The following EBF1 variants were observed in gnomAD, a reference collection of about 807,000 sequenced individuals.
EBF1 encodes EBF transcription factor 1.
EBF1 carries 10 observed loss-of-function variants against 68.4 expected under a neutral mutation model. The ratio of observed to expected loss-of-function variants is 0.15; its 90% confidence interval spans 0.09 to 0.25. The LOEUF (loss-of-function observed/expected upper bound fraction) is 0.25, where lower values mean the gene tolerates loss of function less well. EBF1 is among the 10% of genes least tolerant of loss of function. The pLI, the probability that EBF1 is intolerant of heterozygous loss-of-function variation, is 1.00. For missense variants in EBF1, 509 were observed against 794.4 expected (o/e 0.64, Z 4.32); for synonymous variants, 298 against 299.8 (o/e 0.99, Z 0.06).
intron 6 of EBF1, among the ~76,000 whole-genome samples, chr5:158,896,284 A>G (rs1483184966): frequency 6.6e-6 from 1 of 152,194 alleles, no homozygotes; most frequent in Non-Finnish European, 1.5e-5. Context: ...ATTGATGGGA[A>G]GTTGAGTTTT....
chr5:158,843,488 C>T (rs1008226451), intron 6 of EBF1, among the ~76,000 whole-genome samples: 2 of 152,208 alleles, frequency 1.3e-5, no homozygotes, highest in African/African-American at 4.8e-5. Context: ...ATCCCTGTTA[C>T]CCTAAGCTGG....
chr5:158,875,109 G>T (rs561669093), intron 6 of EBF1, among the ~76,000 whole-genome samples: 7 of 150,794 alleles, frequency 4.6e-5, no homozygotes, highest in African/African-American at 1.7e-4. Context: ...TGGCCAAATT[G>T]TATTTCCAAG....
intron 6 of EBF1, among the ~76,000 whole-genome samples, chr5:158,849,098 G>A (rs1792111374): frequency 6.6e-6 from 1 of 152,160 alleles, no homozygotes; most frequent in South Asian, 2.1e-4. Context: ...TAAAAAAGAA[G>A]ACAACTCTTT....
At chr5:158,957,921 T>C (rs1441883725) in intron 6 of EBF1, among the ~76,000 whole-genome samples, 1 of 152,144 alleles carries the variant, frequency 6.6e-6, no homozygotes, top group Non-Finnish European at 1.5e-5. Context: ...TCACTCTCTT[T>C]TTGTGGGAAT....
At chr5:158,948,217 C>A (rs1815238470) in intron 6 of EBF1, among the ~76,000 whole-genome samples, 1 of 152,052 alleles carries the variant, frequency 6.6e-6, no homozygotes, top group Admixed American at 6.6e-5. Context: ...GGGGGGAGAT[C>A]TGGGTTCTTC....
At position 158,832,273 on chromosome 5, in the gene EBF1, A is replaced by G. The variant is rs575691761; in HGVS notation, c.636+7756T>C. 1.3e-3 allele frequency among the ~76,000 whole-genome samples: 191 copies of G among 152,348 alleles called. 3 individuals are homozygous for G. In the South Asian group the frequency reaches 0.013, roughly 10 times the overall value. ...ACCACTCATCAAATGCTGTTCATAA[A>G]GATTCCTTCTCAGTGATGCACACTT... On this transcript the variant is annotated intron_variant, in intron 7 of 15. Coordinates refer to ENST00000313708, the MANE Select transcript of EBF1 (RefSeq NM_024007.5).
chr5:158,931,468 T>C (rs950699147), intron 6 of EBF1, among the ~76,000 whole-genome samples: 4 of 152,246 alleles, frequency 2.6e-5, no homozygotes, highest in Non-Finnish European at 5.9e-5. Flanking sequence ...TGGAGTTTTT[T>C]AGAACACTCT....
At chr5:158,919,583 T>A (rs1243208375) in intron 6 of EBF1, among the ~76,000 whole-genome samples, 1 of 152,202 alleles carries the variant, frequency 6.6e-6, no homozygotes, top group Non-Finnish European at 1.5e-5. Context: ...CGGTGCTCAT[T>A]TTTTTGAATA....
chr5:158,873,485 A>G (rs1374297026), intron 6 of EBF1, among the ~76,000 whole-genome samples: 1 of 152,208 alleles, frequency 6.6e-6, no homozygotes, highest in Non-Finnish European at 1.5e-5. Context: ...TTAATATTTT[A>G]TGTATACTGA....
chr5:158,761,726 A>G (rs548449944), intron 10 of EBF1, among the ~76,000 whole-genome samples: 1 of 152,362 alleles, frequency 6.6e-6, no homozygotes, highest in African/African-American at 2.4e-5. Flanking sequence ...AAATCCATTA[A>G]GTCTAATTAG....
At chr5:158,940,119 C>G (rs1300858508) in intron 6 of EBF1, among the ~76,000 whole-genome samples, 8 of 152,210 alleles carry the variant, frequency 5.3e-5, no homozygotes, top group Non-Finnish European at 2.9e-5. Context: ...CTTGTTCTCA[C>G]TTCAATTTAG....
At chr5:159,076,076 T>C (rs1381669114) in intron 5 of EBF1, among the ~76,000 whole-genome samples, 1 of 152,098 alleles carries the variant, frequency 6.6e-6, no homozygotes, top group Non-Finnish European at 1.5e-5. Flanking sequence ...ATGCAAATTA[T>C]ATTTTTACAT....
At chr5:158,968,842 C>CA (rs975928602) in intron 6 of EBF1, among the ~76,000 whole-genome samples, 2 of 152,080 alleles carry the variant, frequency 1.3e-5, no homozygotes, top group African/African-American at 4.8e-5. Context: ...ATTGATGCCA[C>CA]AAAAATCTTG....
chr5:158,837,686 A>T (rs923190269), intron 7 of EBF1, among the ~76,000 whole-genome samples: 1 of 152,172 alleles, frequency 6.6e-6, no homozygotes, highest in African/African-American at 2.4e-5. Context: ...TCTATAATTC[A>T]ACCTTTTCAG....
chr5:158,878,622 C>G (rs1251115808), intron 6 of EBF1, among the ~76,000 whole-genome samples: 1 of 147,700 alleles, frequency 6.8e-6, no homozygotes, highest in Non-Finnish European at 1.5e-5. Context: ...CCCAAGATCA[C>G]ACATTTCTAC....
intron 6 of EBF1, among the ~76,000 whole-genome samples, chr5:159,024,322 A>G (rs1012062495): frequency 3.9e-5 from 6 of 152,320 alleles, no homozygotes; most frequent in Admixed American, 2.6e-4. Context: ...TAGGACTATA[A>G]AGTGATAGGC....
At position 158,866,853 on chromosome 5, in the gene EBF1, A is replaced by G. The variant is rs866464157; in HGVS notation, c.555-26743T>C. 6.0e-3 allele frequency among the ~76,000 whole-genome samples: 77 copies of G among 12,834 alleles called. 1 individual carries two copies. In the East Asian group the frequency reaches 0.076, roughly 13 times the overall value. The allele number at this position is 12,834 out of a possible 152,430, so 8.4% of individuals were successfully genotyped here. ...TATATGTATATATATATATATATAT[A>G]TATATATATATATATATATATATAT... On this transcript the variant is annotated intron_variant, in intron 6 of 15. Transcript: ENST00000313708.
chr5:158,940,399 T>A (rs6893379), intron 6 of EBF1, among the ~76,000 whole-genome samples: 43,953 of 152,140 alleles, frequency 0.29, 6,943 homozygotes, highest in Non-Finnish European at 0.36. Context: ...AACTGTGGTA[T>A]CCTAGGCCAC....
At position 158,947,510 on chromosome 5, in the gene EBF1, C is replaced by T. The variant is rs1201159743; in HGVS notation, c.555-107400G>A. 3.9e-5 allele frequency among the ~76,000 whole-genome samples: 6 copies of T among 152,312 alleles called. No individual in the cohort carries two copies. In the East Asian group the frequency reaches 1.2e-3, roughly 29 times the overall value. ...CCCCGTCCTGCTTCTGCTCGCCCTCCCTGGGCTGCACCCACTGTCTAACCA... is the reference window on the plus strand; with the variant it reads ...CCCCGTCCTGCTTCTGCTCGCCCTCTCTGGGCTGCACCCACTGTCTAACCA... On this transcript the variant is annotated intron_variant, in intron 6 of 15. Transcript: ENST00000313708.
Sources: allele counts gnomAD v4.1 joint callset (sites outside exome capture counted in the v4.1 genomes callset), GRCh38; gene constraint gnomAD v4.1.1; transcripts MANE v1.5; gene names NCBI Gene and HGNC (gene_info 2026-07-23, HGNC 2026-07-21).